Variants in ELAPOR2 observed in about 807,000 individuals in gnomAD.
The protein encoded by ELAPOR2 is endosome/lysosome-associated apoptosis and autophagy regulator family member 2.
In ELAPOR2, 89 loss-of-function variants were observed where a neutral mutation model predicts 120.7. The ratio of observed to expected loss-of-function variants is 0.74; its 90% CI spans 0.62 to 0.88. The LOEUF is 0.88. ELAPOR2 is among the 40% of genes least tolerant of loss of function. The pLI, the probability that ELAPOR2 is intolerant of heterozygous loss-of-function variation, is 0.00. For synonymous variants in ELAPOR2, 444 were observed against 444.9 expected, an observed-to-expected ratio of 1.00 and a Z score of 0.03; for missense variants, 1,134 against 1,251.6, an observed-to-expected ratio of 0.91 and a Z score of 1.42.
intron 14 of ELAPOR2, among the ~76,000 whole-genome samples, chr7:86,912,455 A>G (rs1386966570): frequency 6.6e-6 from 1 of 151,094 alleles, no homozygotes; most frequent in Non-Finnish European, 1.5e-5. Context: ...TTAAAGACAG[A>G]GTAAAGTTAT....
intron 18 of ELAPOR2, among the ~76,000 whole-genome samples, chr7:86,904,979 A>G (rs950564549): frequency 4.5e-4 from 69 of 151,906 alleles, no homozygotes; most frequent in African/African-American, 1.6e-3. Flanking sequence ...TCTGGTTAGC[A>G]TCTCCCTCCC....
At chr7:86,950,985 T>G (rs562774452) in intron 2 of ELAPOR2, among the ~76,000 whole-genome samples, 1 of 152,236 alleles carries the variant, frequency 6.6e-6, no homozygotes, top group Admixed American at 6.5e-5. Flanking sequence ...GAAAACTGCT[T>G]ATTTTCAATG....
chr7:87,056,266 C>T (rs938580859), intron 1 of ELAPOR2, among the ~76,000 whole-genome samples: 3 of 152,176 alleles, frequency 2.0e-5, no homozygotes, highest in African/African-American at 7.2e-5. Flanking sequence ...ATATTAATCT[C>T]ATTTCATCCT....
chr7:87,049,335 G>A (rs900224734), intron 1 of ELAPOR2, among the ~76,000 whole-genome samples: 9 of 151,964 alleles, frequency 5.9e-5, no homozygotes, highest in African/African-American at 1.9e-4. Context: ...AGGCTGGAGT[G>A]CAGTGTCCTG....
At chr7:87,020,475 G>T (rs931389093) in intron 1 of ELAPOR2, among the ~76,000 whole-genome samples, 8 of 152,144 alleles carry the variant, frequency 5.3e-5, no homozygotes, top group African/African-American at 1.7e-4. Context: ...CTATAATGTG[G>T]ATAAACCTCT....
In ELAPOR2 at chr7:87,059,430, G is replaced by C. The variant is rs1213725499; in HGVS notation, c.84C>G (p.Pro28=). ...AGCAGCAAATCCAGGCGGGGCTCCA[G>C]GGCGGCGAGCGCCCGCGGCGGGGAG... ...AEAPRRGRSP[P]WSPAWICCWA... The change falls in exon 1 of 22, where the codon CCC becomes CCG. Residue 28 remains proline, a synonymous_variant. Coordinates refer to ENST00000450689, the MANE Select transcript of ELAPOR2 (RefSeq NM_001142749.3). 2.8e-5 allele frequency: 35 copies of C among 1,234,822 alleles called. No individual in the cohort carries two copies. The East Asian group carries it at 9.5e-4, about 34-fold the overall frequency. 76.5% of individuals were successfully genotyped at this position (1,234,822 alleles called of 1,614,324 possible). A position where few individuals can be genotyped will look rare whatever the true frequency, so the allele number is the denominator to read the frequency against.
intron 1 of ELAPOR2, among the ~76,000 whole-genome samples, chr7:86,974,940 G>T (rs754860803): frequency 6.6e-6 from 1 of 152,078 alleles, no homozygotes; most frequent in African/African-American, 2.4e-5. Context: ...GGCTTTAAAG[G>T]CCAGGTCATA....
chr7:86,949,585 G>A (rs991443336), intron 2 of ELAPOR2, among the ~76,000 whole-genome samples: 3 of 152,140 alleles, frequency 2.0e-5, no homozygotes, highest in African/African-American at 4.8e-5. Context: ...GTGGACCAGG[G>A]CATCTTGGCA....
At chr7:86,919,104 T>C in intron 11 of ELAPOR2, 116 bp downstream of exon 11, 1 of 641,106 alleles carries the variant, frequency 1.6e-6, no homozygotes, top group East Asian at 2.8e-5. Context: ...AGCTTGTTAT[T>C]TACTAAGTAT....
At chr7:86,885,796 T>C (rs1431614060) in intron 21 of ELAPOR2, among the ~76,000 whole-genome samples, 17 of 152,140 alleles carry the variant, frequency 1.1e-4, no homozygotes. Flanking sequence ...TATGTGTCCA[T>C]TCAAGATAGT....
In ELAPOR2 at chr7:86,976,805, C is replaced by T. The variant is rs548823034; in HGVS notation, c.190-11781G>A. On this transcript the variant is annotated intron_variant, in intron 1 of 21. Coordinates refer to ENST00000450689, the MANE Select transcript of ELAPOR2 (RefSeq NM_001142749.3). ...GGATATACAAAGAACAAGGAAAATC[C>T]GACTAATGCTCCAGAGAAAAGACAA... 9.9e-5 allele frequency among the ~76,000 whole-genome samples: 15 copies of T among 152,070 alleles called. 1 individual carries two copies. Among genetic ancestry groups the T allele is most frequent in the Non-Finnish European group, 1.3e-4 (9 of 68,004 alleles).
chr7:86,997,978 C>T (rs1168919320), intron 1 of ELAPOR2, among the ~76,000 whole-genome samples: 2 of 152,154 alleles, frequency 1.3e-5, no homozygotes, highest in African/African-American at 4.8e-5. Context: ...CAGACCCACT[C>T]TCTGGGAGCT....
intron 1 of ELAPOR2, among the ~76,000 whole-genome samples, chr7:86,986,740 A>G (rs867175891): frequency 9.2e-5 from 14 of 152,068 alleles, no homozygotes; most frequent in African/African-American, 3.1e-4. Flanking sequence ...ATGGATAGGA[A>G]GAATCAATAT....
intron 18 of ELAPOR2, among the ~76,000 whole-genome samples, chr7:86,903,797 A>C (rs1244608327): frequency 6.6e-6 from 1 of 152,220 alleles, no homozygotes; most frequent in African/African-American, 2.4e-5. Flanking sequence ...CTACTCAAGC[A>C]GTTAAATATA....
intron 1 of ELAPOR2, among the ~76,000 whole-genome samples, chr7:86,973,398 C>T (rs1369820324): frequency 6.6e-6 from 1 of 152,172 alleles, no homozygotes; most frequent in East Asian, 1.9e-4. Context: ...GCCCGGAAGG[C>T]TCTTTCTGCC....
chr7:87,028,965 C>T (rs1476224620), intron 1 of ELAPOR2, among the ~76,000 whole-genome samples: 1 of 152,204 alleles, frequency 6.6e-6, no homozygotes, highest in South Asian at 2.1e-4. Flanking sequence ...GTTATTCCCT[C>T]TTTCTGGAAG....
At chr7:87,017,286 T>C (rs1793901112) in intron 1 of ELAPOR2, among the ~76,000 whole-genome samples, 1 of 152,180 alleles carries the variant, frequency 6.6e-6, no homozygotes, top group African/African-American at 2.4e-5. Flanking sequence ...TACTATCACA[T>C]TGTTTATTAT....
intron 1 of ELAPOR2, among the ~76,000 whole-genome samples, chr7:87,053,228 T>A (rs1795166135): frequency 6.6e-6 from 1 of 152,232 alleles, no homozygotes; most frequent in Non-Finnish European, 1.5e-5. Context: ...ACTTACTATA[T>A]TTTTAAGTCA....
At chr7:86,942,303 AT>A in intron 4 of ELAPOR2, among the ~76,000 whole-genome samples, 199 bp from the exon 5 acceptor site, 1 of 152,128 alleles carries the variant, frequency 6.6e-6, no homozygotes, top group Middle Eastern at 3.4e-3. Context: ...TAAGTAAACT[AT>A]CTTCATCATT....
Sources: allele counts gnomAD v4.1 joint callset (sites outside exome capture counted in the v4.1 genomes callset), GRCh38; gene constraint gnomAD v4.1.1; transcripts MANE v1.5; gene names NCBI Gene and HGNC (gene_info 2026-07-23, HGNC 2026-07-21).